TRPM4: variants seen among roughly 807,000 people sequenced by gnomAD.
TRPM4 encodes the protein calcium-activated non-selective cation channel 1.
Under a neutral mutation model 135.6 loss-of-function variants are expected in TRPM4, and 124 were observed. That is an observed-to-expected ratio of 0.91 (90% CI 0.79 to 1.06). The LOEUF is 1.06. Ranked by LOEUF, TRPM4 falls within the 50% of genes least tolerant of loss-of-function variation. TRPM4 has a pLI of 0.00. For synonymous variants in TRPM4, 745 were observed against 705.6 expected (o/e 1.06, Z -0.88); for missense variants, 1,658 against 1,671.4 (o/e 0.99, Z 0.14).
At chr19:49,197,342 TTC>T (rs1338108459) in intron 17 of TRPM4, among the ~76,000 whole-genome samples, 8 of 129,634 alleles carry the variant, frequency 6.2e-5, no homozygotes, top group Non-Finnish European at 1.2e-4. Flanking sequence ...CTTTCTTTCT[TTC>T]TTTCTTTCTT....
At chr19:49,158,296 C>T (rs558143903) in intron 2 of TRPM4, 37 bp downstream of exon 2, 4 of 1,596,252 alleles carry the variant, frequency 2.5e-6, no homozygotes, top group South Asian at 2.2e-5. Context: ...CCAGAGGGTC[C>T]GCGGCCCGCT....
chr19:49,158,290 A>T lies in TRPM4; in HGVS notation c.92+31A>T, dbSNP rs11882563. Reference sequence around the variant, plus strand: ...GAGTTCGCCCCTGGACTGACCCCAGAGGGTCCGCGGCCCGCTGACCCCGCC... The same window carrying T: ...GAGTTCGCCCCTGGACTGACCCCAGTGGGTCCGCGGCCCGCTGACCCCGCC... On this transcript the variant is annotated intron_variant, in intron 2 of 24. Transcript: ENST00000252826. 1.1e-5 allele frequency: 18 copies of T among 1,606,994 alleles called. No individual in the cohort carries two copies. The South Asian group carries it at 2.0e-4, about 18-fold the overall frequency.
chr19:49,187,167 T>C (rs952030977), intron 12 of TRPM4, among the ~76,000 whole-genome samples: 1 of 151,770 alleles, frequency 6.6e-6, no homozygotes, highest in Non-Finnish European at 1.5e-5. Flanking sequence ...TACTGAAATT[T>C]AGTGGTCTCT....
At position 49,164,364 on chromosome 19, in the gene TRPM4, G is replaced by GTTTTTTTTT. The variant is rs869232937; in HGVS notation, c.93-1651_93-1643dup. ...CCTCCCTCCTTCCTTTCTTTCCTTA[G>GTTTTTTTTT]TTTTTTTTTTTTTTTTTTTTTTTTT... On this transcript the variant is annotated intron_variant, in intron 2 of 24. Transcript: ENST00000252826. 7.4e-3 allele frequency among the ~76,000 whole-genome samples: 121 copies of GTTTTTTTTT among 16,268 alleles called. 16 individuals carry two copies. Among genetic ancestry groups the GTTTTTTTTT allele is most frequent in the Non-Finnish European group, 9.2e-3 (88 of 9,536 alleles). 10.7% of individuals were successfully genotyped at this position (16,268 alleles called of 152,430 possible).
chr19:49,162,549 A>AAAAC (rs898139411), intron 2 of TRPM4, among the ~76,000 whole-genome samples: 3 of 151,728 alleles, frequency 2.0e-5, no homozygotes, highest in Non-Finnish European at 2.9e-5. Flanking sequence ...AAAACAAAAC[A>AAAAC]AAACAAACAA....
intron 9 of TRPM4, among the ~76,000 whole-genome samples, chr19:49,174,743 C>CAA (rs34163341): frequency 8.5e-5 from 8 of 94,506 alleles, no homozygotes; most frequent in African/African-American, 1.6e-4. Flanking sequence ...GACTCTGTCT[C>CAA]AAAAAAAAAA....
Position 49,181,432 on chromosome 19 carries a change from GA to G in TRPM4, c.1236del (p.Glu412AspfsTer23). ...AWNRVDIAQS[E>X]LFRGDIQWRS... ...GAACCGCGTGGACATTGCCCAGAGT[GA>G]ACTCTTTCGGGGGGACATCCAATGG... On this transcript the variant is annotated frameshift_variant, in exon 10 of 25. Coordinates refer to ENST00000252826, the MANE Select transcript of TRPM4 (RefSeq NM_017636.4). LOFTEE classifies it high-confidence loss of function. 1 of 1,613,160 alleles carries G rather than the reference GA, an allele frequency of 6.2e-7. No homozygotes were observed. The highest frequency in any genetic ancestry group is 8.5e-7 in the Non-Finnish European group (1 of 1,179,644).
rs191497756 is a variant in TRPM4, at chr19:49,189,582, A to T, written c.2019+491A>T. 1.2e-3 allele frequency among the ~76,000 whole-genome samples: 187 copies of T among 152,006 alleles called. No homozygotes were observed. The East Asian group carries it at 0.022, about 18-fold the overall frequency. Reference sequence around the variant, plus strand: ...ACATAAACAAACTTTGGTCTAGGAAATCTCACCCTTCCTATAGGAAATCAT... The same window carrying T: ...ACATAAACAAACTTTGGTCTAGGAATTCTCACCCTTCCTATAGGAAATCAT... On this transcript the variant is annotated intron_variant, in intron 14 of 24. Transcript: ENST00000252826.
chr19:49,167,223 C>A (rs1318251263), intron 3 of TRPM4, among the ~76,000 whole-genome samples: 1 of 128,316 alleles, frequency 7.8e-6, no homozygotes. Flanking sequence ...CTCTGTCCCT[C>A]TCTCTCTGGG....
intron 17 of TRPM4, among the ~76,000 whole-genome samples, chr19:49,198,732 C>T (rs1197183305): frequency 1.3e-5 from 2 of 151,232 alleles, no homozygotes; most frequent in Non-Finnish European, 2.9e-5. Flanking sequence ...CGCCAGTTCC[C>T]TCTAGATGGA....
chr19:49,169,432 G>T (rs981566833), intron 6 of TRPM4, among the ~76,000 whole-genome samples: 1 of 79,316 alleles, frequency 1.3e-5, no homozygotes, highest in Non-Finnish European at 2.7e-5. Context: ...TTACAGGCAC[G>T]TGCCATCACA....
At chr19:49,191,181 A>G (rs1328264830) in intron 16 of TRPM4, among the ~76,000 whole-genome samples, 2 of 152,124 alleles carry the variant, frequency 1.3e-5, no homozygotes, top group African/African-American at 2.4e-5. Context: ...CCCACCTCCA[A>G]CATTAGGGAT....
intron 11 of TRPM4, 73 bp from the exon 12 acceptor site, chr19:49,183,005 A>C: frequency 6.2e-7 from 1 of 1,602,400 alleles, no homozygotes; most frequent in South Asian, 1.1e-5. Context: ...GGCGTGGCCA[A>C]ACCAGAGGCA....
chr19:49,196,922 C>G, intron 17 of TRPM4, 48 bp downstream of exon 17: 1 of 1,519,402 alleles, frequency 6.6e-7, no homozygotes, highest in Non-Finnish European at 8.8e-7. Flanking sequence ...CACCTCTCAT[C>G]CTTCCTGCCC....
At chr19:49,163,368 G>C (rs144727507) in intron 2 of TRPM4, among the ~76,000 whole-genome samples, 2,081 of 150,080 alleles carry the variant, frequency 0.014, 42 homozygotes, top group Middle Eastern at 0.028. Context: ...GCTAATTTTT[G>C]TATTTTTAGT....
intron 2 of TRPM4, chr19:49,158,570 T>C: frequency 2.5e-6 from 1 of 398,718 alleles, no homozygotes; most frequent in Non-Finnish European, 4.5e-6. Context: ...GTCTTTCCCT[T>C]TTGGGTATTT....
chr19:49,197,182 G>A (rs1358245800), intron 17 of TRPM4, among the ~76,000 whole-genome samples: 1 of 151,972 alleles, frequency 6.6e-6, no homozygotes, highest in East Asian at 1.9e-4. Flanking sequence ...CCCCGACCTG[G>A]GTGCCAACCT....
At chr19:49,190,647 C>G in intron 15 of TRPM4, 49 bp from the exon 16 acceptor site, 3 of 1,585,558 alleles carry the variant, frequency 1.9e-6, no homozygotes, top group Non-Finnish European at 2.6e-6. Context: ...GAATGCCTCT[C>G]CACCTTCTCT....
chr19:49,173,565 A>G (rs1436898150), intron 9 of TRPM4, among the ~76,000 whole-genome samples: 1 of 152,192 alleles, frequency 6.6e-6, no homozygotes, highest in Non-Finnish European at 1.5e-5. Context: ...AAGTCCAGAT[A>G]TTTCACTAGA....
Sources: gnomAD v4.1 joint callset for allele counts (sites outside exome capture counted in the v4.1 genomes callset) on GRCh38, gnomAD v4.1.1 for gene constraint, MANE v1.5 for transcripts, NCBI Gene and HGNC (gene_info 2026-07-23, HGNC 2026-07-21) for gene names.